The following MEI4 variants were observed in gnomAD, a reference collection of about 807,000 sequenced individuals.
The protein encoded by MEI4 is meiosis-specific protein MEI4.
MEI4 carries 27 observed loss-of-function variants against 31.4 expected under a neutral mutation model. That is an observed-to-expected ratio of 0.86 (90% CI 0.63 to 1.19). The LOEUF is 1.19. Among genes scored for constraint, MEI4 ranks in the 50% most tolerant of loss-of-function variants. The pLI is 0.00. For synonymous variants in MEI4, 122 were observed against 145.4 expected, an observed-to-expected ratio of 0.84 and a Z score of 1.16; for missense variants, 329 against 398.9, an observed-to-expected ratio of 0.82 and a Z score of 1.49.
chr6:77,747,709 T>A (rs1400750302), intron 2 of MEI4, among the ~76,000 whole-genome samples: 1 of 152,174 alleles, frequency 6.6e-6, no homozygotes, highest in African/African-American at 2.4e-5. Flanking sequence ...TCTTCTCACA[T>A]TTTAAAACAC....
rs59888300 is a variant in MEI4, at chr6:77,914,034, G to GAAAA, written c.901-9044_901-9041dup. Among the ~76,000 whole-genome samples the GAAAA allele has an allele frequency of 7.7e-3, 1,066 of 139,036 alleles. 11 individuals are homozygous for GAAAA. The highest frequency in any genetic ancestry group is 0.022 in the African/African-American group (841 of 37,876). 91.2% of individuals were successfully genotyped at this position (139,036 alleles called of 152,430 possible). On this transcript the variant is annotated intron_variant, in intron 4 of 4. Transcript: ENST00000684080. Reference sequence around the variant, plus strand: ...GGCCAGCAGAGTGAAACTGTTTCAAGAAAAAAAAAAAAAACTTTCGTTGAT... The same window carrying GAAAA: ...GGCCAGCAGAGTGAAACTGTTTCAAGAAAAAAAAAAAAAAAAAACTTTCGTTGAT...
chr6:77,786,360 G>A (rs1453924565), intron 3 of MEI4, among the ~76,000 whole-genome samples: 1 of 151,974 alleles, frequency 6.6e-6, no homozygotes, highest in Non-Finnish European at 1.5e-5. Flanking sequence ...AATAAATAGA[G>A]TAATATATAT....
chr6:77,858,807 A>ATT (rs5877572), intron 4 of MEI4, among the ~76,000 whole-genome samples: 147 of 149,822 alleles, frequency 9.8e-4, no homozygotes, highest in South Asian at 1.7e-3. Context: ...ATATACTACA[A>ATT]TTTTTTTTTT....
intron 4 of MEI4, among the ~76,000 whole-genome samples, chr6:77,842,187 A>G (rs767302509): frequency 2.3e-4 from 35 of 152,296 alleles, no homozygotes; most frequent in Middle Eastern, 3.4e-3. Context: ...AACTTTAACA[A>G]GATTTAAAGA....
intron 4 of MEI4, among the ~76,000 whole-genome samples, chr6:77,838,853 A>C (rs1365281212): frequency 2.6e-5 from 4 of 152,014 alleles, no homozygotes; most frequent in African/African-American, 9.7e-5. Flanking sequence ...CTGTGAACTG[A>C]GATCGTGCCA....
chr6:77,712,190 C>T (rs1459492391), intron 2 of MEI4, among the ~76,000 whole-genome samples: 2 of 152,172 alleles, frequency 1.3e-5, no homozygotes, highest in African/African-American at 2.4e-5. Flanking sequence ...TGCATATACA[C>T]ACACATACAC....
At chr6:77,795,804 C>T (rs1399602121) in intron 3 of MEI4, among the ~76,000 whole-genome samples, 14 of 151,124 alleles carry the variant, frequency 9.3e-5, no homozygotes, top group Non-Finnish European at 1.9e-4. Flanking sequence ...AACCCAGGAC[C>T]AGATGGCTTT....
At chr6:77,767,520 C>T (rs753132551) in intron 3 of MEI4, among the ~76,000 whole-genome samples, 13 of 151,956 alleles carry the variant, frequency 8.6e-5, no homozygotes, top group Non-Finnish European at 1.6e-4. Context: ...CATGGTGAGA[C>T]CCTGTCTCTA....
intron 4 of MEI4, among the ~76,000 whole-genome samples, chr6:77,893,350 C>T (rs1766006996): frequency 6.6e-6 from 1 of 152,032 alleles, no homozygotes; most frequent in South Asian, 2.1e-4. Context: ...TGTGAATTTC[C>T]CAGAATGTAT....
chr6:77,808,583 A>T lies in MEI4; in HGVS notation c.769-20348A>T, dbSNP rs577288083. On this transcript the variant is annotated intron_variant, in intron 3 of 4. Coordinates refer to ENST00000684080, the MANE Select transcript of MEI4 (RefSeq NM_001322247.2). ...TGGTATTTTAATGTTTGCAAAAGGA[A>T]AAAGGAGGTCAGGCAACAGATGAAA... 3.2e-4 allele frequency among the ~76,000 whole-genome samples: 48 copies of T among 152,268 alleles called. No homozygotes were observed. The South Asian group carries it at 9.5e-3, about 30-fold the overall frequency.
chr6:77,861,248 T>A (rs1033017640), intron 4 of MEI4, among the ~76,000 whole-genome samples: 1 of 152,222 alleles, frequency 6.6e-6, no homozygotes, highest in Non-Finnish European at 1.5e-5. Context: ...GTACTGGTGA[T>A]CTTGTGATTT....
At chr6:77,784,856 C>G (rs1466445881) in intron 3 of MEI4, among the ~76,000 whole-genome samples, 1 of 152,108 alleles carries the variant, frequency 6.6e-6, no homozygotes, top group Non-Finnish European at 1.5e-5. Context: ...TGTTCACTTG[C>G]CATCCTAGGC....
intron 1 of MEI4, among the ~76,000 whole-genome samples, chr6:77,681,444 T>TA (rs1158401957): frequency 6.6e-6 from 1 of 152,330 alleles, no homozygotes; most frequent in Admixed American, 6.5e-5. Flanking sequence ...AAAATATTTT[T>TA]AAAAAATCCA....
chr6:77,848,322 C>T (rs1770535991), intron 4 of MEI4, among the ~76,000 whole-genome samples: 1 of 152,036 alleles, frequency 6.6e-6, no homozygotes, highest in Admixed American at 6.6e-5. Flanking sequence ...ACCAGGCCAG[C>T]CATTTCTTCA....
intron 4 of MEI4, among the ~76,000 whole-genome samples, chr6:77,908,747 CAAAG>C (rs778209194): frequency 3.9e-5 from 6 of 151,936 alleles, no homozygotes; most frequent in Non-Finnish European, 5.9e-5. Context: ...TCAAAAGAGA[CAAAG>C]AAGGCCATTA....
At chr6:77,812,190 T>A (rs905689064) in intron 3 of MEI4, among the ~76,000 whole-genome samples, 1 of 152,128 alleles carries the variant, frequency 6.6e-6, no homozygotes, top group African/African-American at 2.4e-5. Context: ...TTTGGAATGA[T>A]TCTTGAAAAG....
intron 4 of MEI4, among the ~76,000 whole-genome samples, chr6:77,882,566 T>C (rs1340157079): frequency 2.0e-5 from 3 of 152,198 alleles, no homozygotes; most frequent in Non-Finnish European, 4.4e-5. Context: ...TTTTGTCCTC[T>C]GACCTTCTTA....
At chr6:77,864,478 CAAAG>C (rs1221880661) in intron 4 of MEI4, among the ~76,000 whole-genome samples, 2 of 152,046 alleles carry the variant, frequency 1.3e-5, no homozygotes, top group African/African-American at 4.8e-5. Context: ...TCAAAAGAGA[CAAAG>C]AAGGCCATTA....
At chr6:77,841,331 A>ATTTTTTTTTTTTTTTTTTTTTTTTTTTT (rs1562008564) in intron 4 of MEI4, among the ~76,000 whole-genome samples, 1 of 35,480 alleles carries the variant, frequency 2.8e-5, no homozygotes, top group African/African-American at 2.7e-4. Context: ...ATATATATAT[A>ATTTTTTTTTTTTTTTTTTTTTTTTTTTT]TATTTTTTTT....
Sources: allele counts gnomAD v4.1 joint callset (sites outside exome capture counted in the v4.1 genomes callset), GRCh38; gene constraint gnomAD v4.1.1; transcripts MANE v1.5; gene names NCBI Gene and HGNC (gene_info 2026-07-23, HGNC 2026-07-21).